PTPN13: variants seen among roughly 807,000 people sequenced by gnomAD.
PTPN13 encodes tyrosine-protein phosphatase non-receptor type 13.
Under a neutral mutation model 284.0 loss-of-function variants are expected in PTPN13, and 191 were observed. That is an observed-to-expected ratio of 0.67 (90% CI 0.60 to 0.76). The LOEUF (loss-of-function observed/expected upper bound fraction) is 0.76. Among genes scored for constraint, PTPN13 ranks in the 30% least tolerant of loss-of-function variants. The pLI is 0.00. For synonymous variants in PTPN13, 986 were observed against 1,022.3 expected (o/e 0.96, Z 0.68); for missense variants, 2,797 against 2,939.9 (o/e 0.95, Z 1.12).
chr4:86,616,263 A>C (rs1720529318), intron 1 of PTPN13, among the ~76,000 whole-genome samples: 1 of 152,176 alleles, frequency 6.6e-6, no homozygotes, highest in Non-Finnish European at 1.5e-5. Context: ...AAATGTCATG[A>C]AGTGTTATGT....
chr4:86,647,895 A>G (rs1371262834), intron 2 of PTPN13, among the ~76,000 whole-genome samples: 1 of 152,104 alleles, frequency 6.6e-6, no homozygotes, highest in Non-Finnish European at 1.5e-5. Context: ...CACTTTTACA[A>G]AAGTACAGAA....
At chr4:86,734,964 A>C (rs1007303422) in intron 14 of PTPN13, 89 bp downstream of exon 14, 1 of 1,424,598 alleles carries the variant, frequency 7.0e-7, no homozygotes, top group Non-Finnish European at 9.4e-7. Context: ...CAGGTGTTTG[A>C]TGTTTAGATC....
chr4:86,738,330 C>G (rs1667608048), intron 15 of PTPN13, among the ~76,000 whole-genome samples: 2 of 152,194 alleles, frequency 1.3e-5, no homozygotes, highest in Admixed American at 1.3e-4. Flanking sequence ...GTCCTACCAA[C>G]AGTGTGTGAA....
Position 86,758,685 on chromosome 4 carries a change from A to T in PTPN13, c.3321A>T (p.Gln1107His). The change falls in exon 22 of 48, where the codon CAA becomes CAT. Residue 1107 changes from glutamine to histidine, a missense_variant. Transcript: ENST00000411767. ...AAATGTGTTATTTTACAGGATTTCA[A>T]ATTATTGGTGGGGAGAAGATGGGAA... Reference protein sequence around the residue: ...KKDAKYGLGFQIIGGEKMGRL... With the variant: ...KKDAKYGLGFHIIGGEKMGRL... 6.2e-7 allele frequency: 1 copy of T among 1,612,192 alleles called. No homozygotes were observed. The highest frequency in any genetic ancestry group is 1.7e-4 in the Middle Eastern group (1 of 6,058).
At chr4:86,780,512 TG>T in intron 36 of PTPN13, 40 bp downstream of exon 36, 1 of 1,350,734 alleles carries the variant, frequency 7.4e-7, no homozygotes, top group Non-Finnish European at 1.1e-6. Flanking sequence ...CCTACGGTAA[TG>T]GGAATGTAAA....
At position 86,641,184 on chromosome 4, in the gene PTPN13, T is replaced by A. The variant is rs550231135; in HGVS notation, c.115+5813T>A. Among the ~76,000 whole-genome samples, 4 of 152,332 alleles carry A rather than the reference T, an allele frequency of 2.6e-5. No individual in the cohort carries two copies. In the South Asian group the frequency reaches 8.3e-4, roughly 32 times the overall value. On this transcript the variant is annotated intron_variant, in intron 2 of 47. Coordinates refer to ENST00000411767, the MANE Select transcript of PTPN13 (RefSeq NM_080683.3). ...GAATTGAAATAATTATTAGTTTTTT[T>A]ATTTTATGGATGAATGGTGGTTGTC... is the stretch of plus-strand genomic sequence containing the variant.
intron 5 of PTPN13, among the ~76,000 whole-genome samples, chr4:86,693,273 G>C (rs1390992879): frequency 6.6e-6 from 1 of 151,996 alleles, no homozygotes; most frequent in African/African-American, 2.4e-5. Context: ...GAAAAAAGAA[G>C]ACTTCAAGTT....
intron 7 of PTPN13, among the ~76,000 whole-genome samples, chr4:86,706,004 C>A (rs1731728332): frequency 6.6e-6 from 1 of 152,136 alleles, no homozygotes; most frequent in Admixed American, 6.5e-5. Flanking sequence ...AGGCCCCATT[C>A]TCTTGAAAGG....
chr4:86,697,401 T>G (rs1003996104), intron 6 of PTPN13, among the ~76,000 whole-genome samples: 1 of 152,118 alleles, frequency 6.6e-6, no homozygotes, highest in Non-Finnish European at 1.5e-5. Flanking sequence ...GATTTAATTG[T>G]TCAGCTCAAA....
In PTPN13 at chr4:86,607,336, C is replaced by T. The variant is rs1764866036; in HGVS notation, c.-6+12547C>T. 2.0e-5 allele frequency among the ~76,000 whole-genome samples: 3 copies of T among 151,776 alleles called. No individual in the cohort carries two copies. The South Asian group carries it at 6.2e-4, about 31-fold the overall frequency. On this transcript the variant is annotated intron_variant, in intron 1 of 47. Transcript: ENST00000411767. ...CTGTAGATTACACCATTAATATATA[C>T]GTGTATGCTTATATTGTCTTTCACA...
intron 40 of PTPN13, among the ~76,000 whole-genome samples, chr4:86,795,633 C>T (rs1578695699): frequency 6.6e-6 from 1 of 152,102 alleles, no homozygotes; most frequent in South Asian, 2.1e-4. Context: ...AGACATGAAA[C>T]CAACCCAAAT....
At chr4:86,631,149 A>G (rs1319671358) in intron 1 of PTPN13, among the ~76,000 whole-genome samples, 1 of 152,176 alleles carries the variant, frequency 6.6e-6, no homozygotes, top group African/African-American at 2.4e-5. Flanking sequence ...AACGTCTGTT[A>G]TATATCTGTA....
At chr4:86,699,854 G>A (rs1464954338) in intron 6 of PTPN13, among the ~76,000 whole-genome samples, 1 of 152,028 alleles carries the variant, frequency 6.6e-6, no homozygotes, top group East Asian at 1.9e-4. Flanking sequence ...GTTTGTTTAA[G>A]AATATAACAT....
intron 1 of PTPN13, among the ~76,000 whole-genome samples, chr4:86,600,170 T>G (rs898451718): frequency 6.6e-6 from 1 of 152,040 alleles, no homozygotes; most frequent in South Asian, 2.1e-4. Context: ...AAAATGAGAT[T>G]CCTAAAGAAT....
intron 1 of PTPN13, among the ~76,000 whole-genome samples, chr4:86,620,865 A>T (rs1387725748): frequency 1.3e-5 from 2 of 152,242 alleles, no homozygotes; most frequent in Admixed American, 6.5e-5. Flanking sequence ...TAAATGTCAA[A>T]TAACGATTAT....
At chr4:86,617,181 T>C (rs1049361966) in intron 1 of PTPN13, among the ~76,000 whole-genome samples, 1 of 152,184 alleles carries the variant, frequency 6.6e-6, no homozygotes, top group East Asian at 1.9e-4. Flanking sequence ...TCTAGGGCTT[T>C]ACTATCTAAT....
intron 3 of PTPN13, among the ~76,000 whole-genome samples, chr4:86,685,705 G>A (rs1729375566): frequency 6.6e-6 from 1 of 152,194 alleles, no homozygotes. Context: ...TACCTCTATG[G>A]AAAAGGTTTG....
chr4:86,734,694 C>T (rs773231399), intron 13 of PTPN13, 43 bp from the exon 14 acceptor site: 1 of 1,575,362 alleles, frequency 6.3e-7, no homozygotes. Context: ...CCCCAGTATT[C>T]AAAATCAAAG....
In PTPN13 at chr4:86,758,747, C is replaced by T; in HGVS notation, c.3383C>T (p.Pro1128Leu). The T allele has an allele frequency of 6.2e-7, 1 of 1,613,762 alleles. No homozygotes were observed. The highest frequency in any genetic ancestry group is 8.5e-7 in the Non-Finnish European group (1 of 1,179,758). ...GGCATATTTATCAGTTCAGTTGCCC[C>T]TGGAGGACCAGCTGACTTGGATGGA... ...DLGIFISSVA[P>L]GGPADLDGCL... The change falls in exon 22 of 48, where the codon CCT (proline) becomes CTT (leucine). Residue 1128 changes from proline to leucine, a missense_variant. Pro to Leu is a moderately conservative substitution (Grantham distance 98, BLOSUM62 -3). Transcript: ENST00000411767.
Sources: allele counts gnomAD v4.1 joint callset (sites outside exome capture counted in the v4.1 genomes callset), GRCh38; gene constraint gnomAD v4.1.1; transcripts MANE v1.5; gene names NCBI Gene and HGNC (gene_info 2026-07-23, HGNC 2026-07-21).